DENND4C: variants seen among roughly 807,000 people sequenced by gnomAD.
DENND4C encodes DENN domain containing 4C, also known as DENN domain-containing protein 4C.
In DENND4C, 108 loss-of-function variants were observed where a neutral mutation model predicts 203.0. That is an observed-to-expected ratio of 0.53 (90% CI 0.46 to 0.62). The LOEUF is 0.62. Ranked by LOEUF, DENND4C falls within the 20% of genes least tolerant of loss-of-function variation. DENND4C has a pLI of 0.00. For synonymous variants in DENND4C, 871 were observed against 792.4 expected (o/e 1.10, Z -1.67); for missense variants, 2,481 against 2,301.2 (o/e 1.08, Z -1.60).
rs1415228675 is a variant in DENND4C, at chr9:19,336,866, T to TA, written c.2881+35dup. 2.6e-5 allele frequency: 39 copies of TA among 1,528,320 alleles called. No homozygotes were observed. The African/African-American group carries it at 5.1e-4, about 20-fold the overall frequency. The allele number at this position is 1,528,320 out of a possible 1,614,324, so 94.7% of individuals were successfully genotyped here. A position where few individuals can be genotyped will look rare whatever the true frequency, so the allele number is the denominator to read the frequency against. On this transcript the variant is annotated intron_variant, in intron 20 of 32. Coordinates refer to ENST00000434457, the MANE Select transcript of DENND4C (RefSeq NM_001330640.2). Reference sequence around the variant, plus strand: ...ATCCAGATTTTACTAACCCTTCACTTACTCTCATGTTAAATCTTTCCTTTT... The same window carrying TA: ...ATCCAGATTTTACTAACCCTTCACTTAACTCTCATGTTAAATCTTTCCTTTT...
At chr9:19,280,504 A>T (rs1439848703) in intron 2 of DENND4C, among the ~76,000 whole-genome samples, 1 of 152,060 alleles carries the variant, frequency 6.6e-6, no homozygotes, top group Middle Eastern at 3.4e-3. Context: ...AACACAGAGT[A>T]TTGGTTGCAG....
At chr9:19,294,331 C>T (rs1263649757) in intron 5 of DENND4C, among the ~76,000 whole-genome samples, 7 of 151,526 alleles carry the variant, frequency 4.6e-5, no homozygotes, top group Non-Finnish European at 8.8e-5. Context: ...TTTGTACTGT[C>T]AAAGACAGCA....
chr9:19,317,295 C>T (rs780191975), intron 12 of DENND4C, among the ~76,000 whole-genome samples: 3 of 151,012 alleles, frequency 2.0e-5, no homozygotes, highest in Non-Finnish European at 4.4e-5. Context: ...GCTGGGATTA[C>T]AGGTGTGAGC....
chr9:19,286,215 G>T (rs927412608), intron 2 of DENND4C, among the ~76,000 whole-genome samples: 5 of 152,078 alleles, frequency 3.3e-5, no homozygotes, highest in Admixed American at 3.3e-4. Flanking sequence ...TCAAATTGAA[G>T]ATTGAATTAA....
At chr9:19,318,952 T>C (rs974911207) in intron 12 of DENND4C, among the ~76,000 whole-genome samples, 4 of 152,256 alleles carry the variant, frequency 2.6e-5, no homozygotes, top group Admixed American at 2.6e-4. Context: ...GCTGATCACC[T>C]GAGGTCAGGA....
At chr9:19,279,979 A>G (rs922433737) in intron 2 of DENND4C, among the ~76,000 whole-genome samples, 13 of 151,942 alleles carry the variant, frequency 8.6e-5, no homozygotes, top group African/African-American at 2.9e-4. Flanking sequence ...TATTGAAGGA[A>G]GAAATCAGTG....
chr9:19,345,813 T>C, intron 22 of DENND4C, 108 bp from the exon 23 acceptor site: 1 of 1,071,048 alleles, frequency 9.3e-7, no homozygotes, highest in Non-Finnish European at 1.3e-6. Context: ...TTTCTGGATC[T>C]TTTATTCTGA....
intron 30 of DENND4C, 121 bp downstream of exon 30, chr9:19,362,084 G>A: frequency 1.8e-6 from 1 of 562,392 alleles, no homozygotes; most frequent in Non-Finnish European, 3.1e-6. Context: ...GACCAGGCTG[G>A]CCAACATGGT....
chr9:19,290,007 A>G (rs977283291), intron 4 of DENND4C, among the ~76,000 whole-genome samples: 2 of 152,176 alleles, frequency 1.3e-5, no homozygotes, highest in African/African-American at 4.8e-5. Flanking sequence ...ATTTTAGAAT[A>G]GAGAGTTTTA....
At chr9:19,329,074 C>T (rs946778703) in intron 16 of DENND4C, among the ~76,000 whole-genome samples, 4 of 152,108 alleles carry the variant, frequency 2.6e-5, no homozygotes, top group African/African-American at 9.7e-5. Flanking sequence ...AAATATAATT[C>T]ATATACCATA....
Position 19,361,852 on chromosome 9 carries a change from C to G in DENND4C, c.5413C>G (p.Leu1805Val). The G allele has an allele frequency of 6.3e-7, 1 of 1,586,266 alleles. No homozygotes were observed. Among genetic ancestry groups the G allele is most frequent in the African/African-American group, 1.3e-5 (1 of 74,358 alleles). The change falls in exon 30 of 33, where the codon CTG becomes GTG. Residue 1805 changes from leucine to valine, a missense_variant. Transcript: ENST00000434457. ...EHCNEGVQLP[L>V]SSLSQDSKLV... ...TTCTTTTGATTTCTTTTAGCTTCCT[C>G]TGTCATCTCTGTCCCAGGATAGCAA...
intron 1 of DENND4C, among the ~76,000 whole-genome samples, chr9:19,257,460 T>A (rs1828275976): frequency 1.3e-5 from 2 of 151,636 alleles, no homozygotes; most frequent in Non-Finnish European, 2.9e-5. Context: ...TTAGAAAAGA[T>A]CTCAAATCAT....
At chr9:19,279,033 G>C (rs1588826615) in intron 2 of DENND4C, among the ~76,000 whole-genome samples, 1 of 152,234 alleles carries the variant, frequency 6.6e-6, no homozygotes, top group East Asian at 1.9e-4. Context: ...TCTGTATTCT[G>C]GTCCAGTGTG....
intron 1 of DENND4C, among the ~76,000 whole-genome samples, chr9:19,240,095 C>T (rs886486411): frequency 6.6e-6 from 1 of 152,140 alleles, no homozygotes; most frequent in Non-Finnish European, 1.5e-5. Flanking sequence ...TTGATACTCT[C>T]TTGTTAGATG....
At chr9:19,256,642 T>TA (rs1828043524) in intron 1 of DENND4C, among the ~76,000 whole-genome samples, 1 of 152,156 alleles carries the variant, frequency 6.6e-6, no homozygotes, top group African/African-American at 2.4e-5. Flanking sequence ...TTTATTTTTT[T>TA]ACTCTTTAAA....
At chr9:19,282,715 C>CTCTTTTTTTT (rs758751945) in intron 2 of DENND4C, among the ~76,000 whole-genome samples, 124 of 86,666 alleles carry the variant, frequency 1.4e-3, no homozygotes, top group Non-Finnish European at 2.1e-3. Flanking sequence ...TTTCTTCTCT[C>CTCTTTTTTTT]TTTTTTTTTT....
chr9:19,369,779 A>AT, intron 30 of DENND4C, 58 bp from the exon 31 acceptor site: 1 of 741,010 alleles, frequency 1.3e-6, no homozygotes, highest in Non-Finnish European at 1.8e-6. Context: ...AAAAAAAAAA[A>AT]TAATAATAAT....
chr9:19,242,654 CTTT>C (rs58190075), intron 1 of DENND4C, among the ~76,000 whole-genome samples: 5 of 145,198 alleles, frequency 3.4e-5, no homozygotes, highest in Non-Finnish European at 6.1e-5. Flanking sequence ...CTATTTCTTT[CTTT>C]TTTTTTTTTT....
chr9:19,370,124 A>T, intron 31 of DENND4C, 137 bp downstream of exon 31: 1 of 1,009,442 alleles, frequency 9.9e-7, no homozygotes, highest in Non-Finnish European at 1.5e-6. Flanking sequence ...TAAGTGCTAC[A>T]CAGATATATA....
Sources: gnomAD v4.1 joint callset for allele counts (sites outside exome capture counted in the v4.1 genomes callset) on GRCh38, gnomAD v4.1.1 for gene constraint, MANE v1.5 for transcripts, NCBI Gene and HGNC (gene_info 2026-07-23, HGNC 2026-07-21) for gene names.